The following LDLRAD4 variants were observed in gnomAD, a reference collection of about 807,000 sequenced individuals.
LDLRAD4 encodes the protein low density lipoprotein receptor class A domain containing 4.
LDLRAD4 carries 5 observed loss-of-function variants against 17.0 expected under a neutral mutation model. The ratio of observed to expected loss-of-function variants is 0.29; its 90% CI spans 0.15 to 0.62. The LOEUF (loss-of-function observed/expected upper bound fraction) is 0.62, where lower values mean the gene tolerates loss of function less well. Ranked by LOEUF, LDLRAD4 falls within the 20% of genes least tolerant of loss-of-function variation. LDLRAD4 has a pLI of 0.84. For missense variants in LDLRAD4, 340 were observed against 424.7 expected (o/e 0.80, Z 1.75); for synonymous variants, 168 against 171.8 (o/e 0.98, Z 0.17).
At chr18:13,579,316 T>C (rs1046028736) in intron 3 of LDLRAD4, among the ~76,000 whole-genome samples, 1 of 152,256 alleles carries the variant, frequency 6.6e-6, no homozygotes, top group Non-Finnish European at 1.5e-5. Flanking sequence ...TTTGTTTATA[T>C]GTAGTTATTA....
chr18:13,383,583 A>C (rs1222507949), intron 1 of LDLRAD4, among the ~76,000 whole-genome samples: 12 of 152,196 alleles, frequency 7.9e-5, no homozygotes, highest in Admixed American at 7.9e-4. Context: ...AGCTCCTCCA[A>C]CTTTTACCCT....
At chr18:13,632,180 C>T (rs896947313) in intron 4 of LDLRAD4, among the ~76,000 whole-genome samples, 10 of 152,280 alleles carry the variant, frequency 6.6e-5, no homozygotes, top group East Asian at 1.9e-4. Flanking sequence ...GGTGTCACTT[C>T]GCCAGTCAGA....
chr18:13,227,806 C>T (rs558910460), intron 1 of LDLRAD4, among the ~76,000 whole-genome samples: 118 of 152,256 alleles, frequency 7.8e-4, no homozygotes, highest in African/African-American at 2.5e-3. Flanking sequence ...GAGAACAGCA[C>T]GGGGGAACCA....
Position 13,645,007 on chromosome 18 carries a change from TG to T in LDLRAD4, c.391-117del. Reference sequence around the variant, plus strand: ...TTTCCTGTTTTCTTTTTTTTTTTCCTGGGAGATGGTGTTCAAACTGGTAGGA... The same window carrying T: ...TTTCCTGTTTTCTTTTTTTTTTTCCTGGAGATGGTGTTCAAACTGGTAGGA... On this transcript the variant is annotated intron_variant, in intron 5 of 5. Coordinates refer to ENST00000359446, the Ensembl canonical transcript of LDLRAD4. The surrounding 1 kb of genome is among the most constrained non-coding windows in gnomAD (Gnocchi z 5.7). 1 of 776,598 alleles carries T rather than the reference TG, an allele frequency of 1.3e-6. No individual in the cohort carries two copies. The highest frequency in any genetic ancestry group is 2.1e-6 in the Non-Finnish European group (1 of 486,408). 48.1% of individuals were successfully genotyped at this position (776,598 alleles called of 1,614,324 possible). A position where few individuals can be genotyped will look rare whatever the true frequency, so the allele number is the denominator to read the frequency against.
chr18:13,535,683 C>T (rs1050947181), intron 3 of LDLRAD4, among the ~76,000 whole-genome samples: 144 of 152,002 alleles, frequency 9.5e-4, no homozygotes, highest in African/African-American at 3.3e-3. Flanking sequence ...CATAATTTTT[C>T]TTATATAAAT....
intron 3 of LDLRAD4, among the ~76,000 whole-genome samples, chr18:13,482,475 C>T (rs1264637351): frequency 2.6e-5 from 4 of 152,228 alleles, no homozygotes; most frequent in Non-Finnish European, 5.9e-5. Context: ...AGCAATGAGA[C>T]AGGGTGATTT....
chr18:13,516,072 C>T (rs1449236259), intron 3 of LDLRAD4: 3 of 152,224 alleles, frequency 2.0e-5, no homozygotes, highest in Non-Finnish European at 4.4e-5. Flanking sequence ...ACCTTGGCCT[C>T]CCAAAGCACT....
intron 3 of LDLRAD4, among the ~76,000 whole-genome samples, chr18:13,580,170 G>C (rs115848242): frequency 1.3e-5 from 2 of 151,972 alleles, no homozygotes; most frequent in African/African-American, 4.8e-5. Flanking sequence ...TCTGTGCCTC[G>C]TGCATACTGT....
chr18:13,595,571 ACTC>A (rs759748318), intron 3 of LDLRAD4, among the ~76,000 whole-genome samples: 34 of 150,884 alleles, frequency 2.3e-4, no homozygotes, highest in Non-Finnish European at 4.3e-4. Context: ...CTGGTCTTGA[ACTC>A]CTAGGCTTAA....
chr18:13,439,940 C>T (rs886434183), intron 3 of LDLRAD4, among the ~76,000 whole-genome samples: 1 of 152,212 alleles, frequency 6.6e-6, no homozygotes, highest in African/African-American at 2.4e-5. Context: ...GAGTATCACA[C>T]AGGACAATCC....
chr18:13,497,508 T>G (rs1021019517), intron 3 of LDLRAD4, among the ~76,000 whole-genome samples: 6 of 152,074 alleles, frequency 3.9e-5, no homozygotes, highest in Non-Finnish European at 7.4e-5. Flanking sequence ...GTTTTTTTTT[T>G]TTCCTTCTTT....
At chr18:13,379,025 G>A (rs1208072922) in intron 1 of LDLRAD4, among the ~76,000 whole-genome samples, 1 of 151,504 alleles carries the variant, frequency 6.6e-6, no homozygotes, top group Non-Finnish European at 1.5e-5. Flanking sequence ...TAGATCTAGG[G>A]TTTTGTTTGT....
exon 6 of LDLRAD4, chr18:13,650,462 CT>C (rs1489931060): frequency 1.3e-5 from 5 of 397,816 alleles, no homozygotes; most frequent in African/African-American, 8.2e-5. Context: ...AGATATACCC[CT>C]ATCATGTCAG....
In LDLRAD4 at chr18:13,617,830, G is replaced by A. The variant is rs553836986; in HGVS notation, c.182-3287G>A. Among the ~76,000 whole-genome samples, 41 of 152,312 alleles carry A rather than the reference G, an allele frequency of 2.7e-4. 1 individual carries two copies. Among genetic ancestry groups the A allele is most frequent in the Admixed American group, 2.3e-3 (35 of 15,300 alleles). ...CATCAGATTGTCACCAGTTAAAAGG[G>A]CGAGTCTCCAGGGTGAATGAGGGCA... On this transcript the variant is annotated intron_variant, in intron 3 of 5. Transcript: ENST00000359446.
chr18:13,302,586 G>A (rs552302130), intron 1 of LDLRAD4, among the ~76,000 whole-genome samples: 2 of 152,300 alleles, frequency 1.3e-5, no homozygotes, highest in African/African-American at 4.8e-5. Flanking sequence ...GAGGCCAAAT[G>A]CAGATGAGTG....
rs543523298 is a variant in LDLRAD4, at chr18:13,267,001, G to T, written c.-466-11104G>T. Among the ~76,000 whole-genome samples the T allele has an allele frequency of 2.0e-5, 3 of 152,194 alleles. No individual in the cohort carries two copies. In the South Asian group the frequency reaches 6.2e-4, roughly 32 times the overall value. On this transcript the variant is annotated intron_variant, in intron 1 of 5. Transcript: ENST00000399848. ...AAAGAACAGCATTTTCTGAGTTCACGCCTAGGTCTTGGTTAGAATCAACAG... is the reference window on the plus strand; with the variant it reads ...AAAGAACAGCATTTTCTGAGTTCACTCCTAGGTCTTGGTTAGAATCAACAG...
chr18:13,509,134 T>C (rs1189915271), intron 3 of LDLRAD4, among the ~76,000 whole-genome samples: 1 of 152,178 alleles, frequency 6.6e-6, no homozygotes, highest in African/African-American at 2.4e-5. Context: ...GGAGACATCA[T>C]CTGTACACAA....
At chr18:13,595,590 C>T (rs2095085495) in intron 3 of LDLRAD4, among the ~76,000 whole-genome samples, 1 of 152,148 alleles carries the variant, frequency 6.6e-6, no homozygotes. Context: ...CTTAAGCCAA[C>T]CTCCCACCTT....
At chr18:13,566,722 T>C (rs2094607546) in intron 3 of LDLRAD4, among the ~76,000 whole-genome samples, 1 of 152,178 alleles carries the variant, frequency 6.6e-6, no homozygotes, top group Admixed American at 6.5e-5. Context: ...ATAATTGATG[T>C]GGTGCTATAC....
Sources: allele counts gnomAD v4.1 joint callset (sites outside exome capture counted in the v4.1 genomes callset), GRCh38; gene constraint gnomAD v4.1.1; non-coding constraint Gnocchi (gnomAD v3.1); transcripts MANE v1.5; gene names NCBI Gene and HGNC (gene_info 2026-07-23, HGNC 2026-07-21).